The following CLEC4F variants were observed in gnomAD, a reference collection of about 807,000 sequenced individuals.
CLEC4F encodes C-type lectin domain family 4 member F.
CLEC4F carries 45 observed loss-of-function variants against 53.4 expected under a neutral mutation model. That is an observed-to-expected ratio of 0.84 (90% CI 0.66 to 1.08). The LOEUF is 1.08. CLEC4F is among the 50% of genes least tolerant of loss of function. The pLI, the probability that CLEC4F is intolerant of heterozygous loss-of-function variation, is 0.00. For synonymous variants in CLEC4F, 245 were observed against 257.5 expected, an observed-to-expected ratio of 0.95 and a Z score of 0.46; for missense variants, 753 against 698.2, an observed-to-expected ratio of 1.08 and a Z score of -0.88.
chr2:70,816,758 G>A lies in CLEC4F; in HGVS notation c.623C>T (p.Thr208Ile). Residue 208 changes from threonine to isoleucine, a missense_variant, in exon 4 of 7, where the codon ACC (threonine) becomes ATC (isoleucine). By Grantham distance (89) the Thr-to-Ile change is moderately conservative. Transcript: ENST00000272367. ...LNFLKSSLEN[T>I]SIELHVLSRG... is the part of the protein sequence containing the mutation. ...GCTTAGCACGTGGAGCTCAATGCTGGTGTTTTCTAAACTGCTTTTTAAGAA... is the reference window on the plus strand; with the variant it reads ...GCTTAGCACGTGGAGCTCAATGCTGATGTTTTCTAAACTGCTTTTTAAGAA... The A allele has an allele frequency of 1.2e-6, 2 of 1,614,146 alleles. No individual in the cohort carries two copies. The highest frequency in any genetic ancestry group is 1.7e-6 in the Non-Finnish European group (2 of 1,180,034).
chr2:70,817,185 G>A (rs1220252342), intron 3 of CLEC4F, 73 bp from the exon 4 acceptor site: 4 of 1,471,064 alleles, frequency 2.7e-6, no homozygotes, highest in African/African-American at 1.4e-5. Flanking sequence ...GCCACCCAGA[G>A]TGTTTCTAAC....
Position 70,816,317 on chromosome 2 carries a change from G to A in CLEC4F, c.1064C>T (p.Thr355Ile). 1 of 1,614,164 alleles carries A rather than the reference G, an allele frequency of 6.2e-7. No individual in the cohort carries two copies. Among genetic ancestry groups the A allele is most frequent in the Non-Finnish European group, 8.5e-7 (1 of 1,180,020 alleles). Reference sequence around the variant, plus strand: ...CTTGAATACCTGAATCTGAGTATCTGTCTGGTCCAGACGGCCATTTGCTTT... The same window carrying A: ...CTTGAATACCTGAATCTGAGTATCTATCTGGTCCAGACGGCCATTTGCTTT... The part of the protein sequence containing the change: ...TQKANGRLDQ[T>I]DTQIQVFKSE... The change falls in exon 4 of 7, where the codon ACA becomes ATA. Residue 355 changes from threonine (T) to isoleucine (I), a missense_variant. Coordinates refer to ENST00000272367, the MANE Select transcript of CLEC4F (RefSeq NM_173535.3).
chr2:70,824,685 A>G (rs1236299946), upstream of CLEC4F, among the ~76,000 whole-genome samples: 4 of 151,140 alleles, frequency 2.6e-5, no homozygotes, highest in African/African-American at 9.7e-5. Context: ...GAACCAATGA[A>G]GGAGCTCCCA....
upstream of CLEC4F, among the ~76,000 whole-genome samples, chr2:70,823,198 C>T (rs1160827731): frequency 1.3e-5 from 2 of 152,080 alleles, no homozygotes; most frequent in Non-Finnish European, 2.9e-5. Flanking sequence ...CCATTTGCTG[C>T]CTTTTACCTC....
rs782207685 is a variant in CLEC4F, at chr2:70,819,864, G to C, written c.89C>G (p.Ala30Gly). The change falls in exon 2 of 7, where the codon GCA becomes GGA. Residue 30 changes from alanine to glycine, a missense_variant. Coordinates refer to ENST00000272367, the MANE Select transcript of CLEC4F (RefSeq NM_173535.3). ...QEVDSVAMAPAAPKIPRLVQA... is the reference protein window; with the variant it reads ...QEVDSVAMAPGAPKIPRLVQA... ...AACGAGCCTCGGTATCTTGGGGGCT[G>C]CAGGAGCCATTGCCACAGAGTCCAC... 9.4e-6 allele frequency: 15 copies of C among 1,601,804 alleles called. No individual in the cohort carries two copies. Among genetic ancestry groups the C allele is most frequent in the Non-Finnish European group, 1.3e-5 (15 of 1,174,792 alleles).
chr2:70,819,931 G>A (rs1182482656), intron 1 of CLEC4F, 40 bp from the exon 2 acceptor site: 1 of 1,405,992 alleles, frequency 7.1e-7, no homozygotes, highest in Admixed American at 2.1e-5. Context: ...AGAGGGTGCT[G>A]TGCAAGGTAA....
rs1367152908 is a variant in CLEC4F, at chr2:70,816,752, A to G, written c.629T>C (p.Ile210Thr). Residue 210 changes from isoleucine (I) to threonine (T), a missense_variant, in exon 4 of 7, where the codon ATT becomes ACT. Coordinates refer to ENST00000272367, the MANE Select transcript of CLEC4F (RefSeq NM_173535.3). ...GCCTCTGCTTAGCACGTGGAGCTCAATGCTGGTGTTTTCTAAACTGCTTTT... is the reference window on the plus strand; with the variant it reads ...GCCTCTGCTTAGCACGTGGAGCTCAGTGCTGGTGTTTTCTAAACTGCTTTT... ...FLKSSLENTSIELHVLSRGLE... is the reference protein window; with the variant it reads ...FLKSSLENTSTELHVLSRGLE... The G allele has an allele frequency of 1.2e-6, 2 of 1,614,148 alleles. No homozygotes were observed.
At chr2:70,813,514 T>C (rs148022596) in intron 4 of CLEC4F, among the ~76,000 whole-genome samples, 32 of 8,000 alleles carry the variant, frequency 4.0e-3, no homozygotes, top group Non-Finnish European at 0.012. Flanking sequence ...TTCTTTCTTT[T>C]CTTTCTTTCT....
Position 70,816,096 on chromosome 2 carries a change from C to G in CLEC4F, c.1285G>C (p.Glu429Gln). ...AEIQRLRGDL[E>Q]NTKALTMEIQ... ...TCCATGGTTAGAGCTTTGGTGTTCTCTAGATCCCCTCTTAACCTCTGGATC... is the reference window on the plus strand; with the variant it reads ...TCCATGGTTAGAGCTTTGGTGTTCTGTAGATCCCCTCTTAACCTCTGGATC... The change falls in exon 4 of 7, where the codon GAG becomes CAG. Residue 429 changes from glutamate (E) to glutamine (Q), a missense_variant. Glu to Gln is a conservative substitution (Grantham distance 29, BLOSUM62 2). Transcript: ENST00000272367. The G allele has an allele frequency of 1.2e-6, 2 of 1,614,210 alleles. No individual in the cohort carries two copies. Among genetic ancestry groups the G allele is most frequent in the Non-Finnish European group, 1.7e-6 (2 of 1,180,028 alleles).
At chr2:70,819,484 C>A (rs782766206) in intron 2 of CLEC4F, 40 bp from the exon 3 acceptor site, 6 of 1,577,566 alleles carry the variant, frequency 3.8e-6, no homozygotes, top group Non-Finnish European at 3.5e-6. Context: ...AATCCCCAGC[C>A]CTGAGCCTGG....
At position 70,816,523 on chromosome 2, in the gene CLEC4F, C is replaced by T. The variant is rs782380557; in HGVS notation, c.858G>A (p.Gln286=). 6.2e-7 allele frequency: 1 copy of T among 1,614,156 alleles called. No individual in the cohort carries two copies. Among genetic ancestry groups the T allele is most frequent in the East Asian group, 2.2e-5 (1 of 44,890 alleles). ...NSLEGANAEI[Q]GLKENLQNTN... Reference sequence around the variant, plus strand: ...TGTTCTGCAAATTTTCCTTTAGTCCCTGGATCTCAGCATTGGCTCCTTCCA... The same window carrying T: ...TGTTCTGCAAATTTTCCTTTAGTCCTTGGATCTCAGCATTGGCTCCTTCCA... Residue 286 remains glutamine, a synonymous_variant, in exon 4 of 7, where the codon CAG becomes CAA. Coordinates refer to ENST00000272367, the MANE Select transcript of CLEC4F (RefSeq NM_173535.3).
rs374692433 is a variant in CLEC4F at position 70,810,573 on chromosome 2, C to T, written c.1540-716G>A. ...GGCGGAGGTTGCAGTGAGCCAAGAT[C>T]GCACCATTGCACTCCAGCCTGGGCA... On this transcript the variant is annotated intron_variant, in intron 5 of 6. Transcript: ENST00000272367. Among the ~76,000 whole-genome samples, 9 of 141,782 alleles carry T rather than the reference C, an allele frequency of 6.3e-5. No homozygotes were observed. The East Asian group carries it at 1.3e-3, about 20-fold the overall frequency. 93.0% of individuals were successfully genotyped at this position (141,782 alleles called of 152,430 possible). A position where few individuals can be genotyped will look rare whatever the true frequency, so the allele number is the denominator to read the frequency against.
Position 70,809,047 on chromosome 2 carries a change from C to G in CLEC4F, c.*224G>C. On this transcript the variant is annotated 3_prime_UTR_variant, in exon 7 of 7. Coordinates refer to ENST00000272367, the MANE Select transcript of CLEC4F (RefSeq NM_173535.3). ...GTCTTCAGTCTGCCCATTCTTGTGC[C>G]GCCAGTTGTCAGACTGATTCTTTTC... is the stretch of plus-strand genomic sequence containing the variant. 1 of 1,517,948 alleles carries G rather than the reference C, an allele frequency of 6.6e-7. No individual in the cohort carries two copies. The highest frequency in any genetic ancestry group is 8.8e-7 in the Non-Finnish European group (1 of 1,130,240). The allele number at this position is 1,517,948 out of a possible 1,614,324, so 94.0% of individuals were successfully genotyped here. A position where few individuals can be genotyped will look rare whatever the true frequency, so the allele number is the denominator to read the frequency against.
intron 4 of CLEC4F, 104 bp from the exon 5 acceptor site, chr2:70,812,702 C>A: frequency 1.7e-6 from 2 of 1,200,842 alleles, no homozygotes; most frequent in Non-Finnish European, 2.4e-6. Flanking sequence ...GGTTCACAAG[C>A]CCATGAAATT....
At chr2:70,811,770 T>C (rs1676581243) in intron 5 of CLEC4F, among the ~76,000 whole-genome samples, 1 of 152,118 alleles carries the variant, frequency 6.6e-6, no homozygotes, top group African/African-American at 2.4e-5. Context: ...CTACAGCAGC[T>C]GGATTAACTG....
At chr2:70,823,891 A>G (rs61433004), upstream of CLEC4F, among the ~76,000 whole-genome samples, 91,436 of 151,620 alleles carry the variant, frequency 0.6, 28,092 homozygotes, top group Middle Eastern at 0.7. Flanking sequence ...CTAACTGGGC[A>G]TGGTGGCAGG....
chr2:70,821,970 G>C (rs1260812066), upstream of CLEC4F, among the ~76,000 whole-genome samples: 2 of 151,984 alleles, frequency 1.3e-5, no homozygotes, highest in East Asian at 3.9e-4. Context: ...TATACCCCAG[G>C]CTGGTCTGGA....
rs557644704 is a variant in CLEC4F, at chr2:70,809,172, G to A, written c.*99C>T. 1.7e-5 allele frequency: 26 copies of A among 1,557,846 alleles called. No individual in the cohort carries two copies. In the African/African-American group the frequency reaches 3.3e-4, roughly 19 times the overall value. ...GGAGCTGACATGGGATGAGTCTAGG[G>A]AGCTGACTTGAGATGGGTCCTTCAT... On this transcript the variant is annotated 3_prime_UTR_variant, in exon 7 of 7. Coordinates refer to ENST00000272367, the MANE Select transcript of CLEC4F (RefSeq NM_173535.3).
At chr2:70,812,282 C>T (rs1676610898) in intron 5 of CLEC4F, among the ~76,000 whole-genome samples, 165 bp downstream of exon 5, 1 of 152,164 alleles carries the variant, frequency 6.6e-6, no homozygotes, top group Admixed American at 6.5e-5. Flanking sequence ...GGGATTCTAC[C>T]TCCAGTGCAT....
Sources: allele counts gnomAD v4.1 joint callset (sites outside exome capture counted in the v4.1 genomes callset), GRCh38; gene constraint gnomAD v4.1.1; transcripts MANE v1.5; gene names NCBI Gene and HGNC (gene_info 2026-07-23, HGNC 2026-07-21).